Variants in CERS4 observed in about 807,000 individuals in gnomAD.
The protein encoded by CERS4 is ceramide synthase 4, also known as LAG1 homolog, ceramide synthase 4.
CERS4 carries 65 observed loss-of-function variants against 51.8 expected under a neutral mutation model. The ratio of observed to expected loss-of-function variants is 1.26; its 90% CI spans 1.03 to 1.54. CERS4 has a LOEUF of 1.54. Ranked by LOEUF, CERS4 falls within the 40% of genes most tolerant of loss-of-function variation. The pLI, the probability that CERS4 is intolerant of heterozygous loss-of-function variation, is 0.00. For synonymous variants in CERS4, 228 were observed against 208.4 expected, an observed-to-expected ratio of 1.09 and a Z score of -0.81; for missense variants, 563 against 500.4, an observed-to-expected ratio of 1.13 and a Z score of -1.19.
chr19:8,231,851 A>ATCTTTTTTTTTTTTTTTTT (rs1968019354), intron 2 of CERS4, among the ~76,000 whole-genome samples: 1 of 104,424 alleles, frequency 9.6e-6, no homozygotes. Context: ...TGTGCCCAGC[A>ATCTTTTTTTTTTTTTTTTT]TTTTTTTTTT....
chr19:8,242,436 G>A (rs1161647538), intron 2 of CERS4, among the ~76,000 whole-genome samples: 2 of 152,164 alleles, frequency 1.3e-5, no homozygotes, highest in African/African-American at 2.4e-5. Flanking sequence ...GCATGATTCA[G>A]CAGAGGAGAG....
In CERS4 at chr19:8,232,044, G is replaced by A. The variant is rs2145211012; in HGVS notation, c.-1-19032G>A. Among the ~76,000 whole-genome samples, 2 of 148,848 alleles carry A rather than the reference G, an allele frequency of 1.3e-5. 1 individual carries two copies. The highest frequency in any genetic ancestry group is 4.3e-4 in the South Asian group (2 of 4,676). Reference sequence around the variant, plus strand: ...AGGGTCTCACTATCTTGCCAAAGCTGGTCTCAAACTCCTAGCCTCAAGTAA... The same window carrying A: ...AGGGTCTCACTATCTTGCCAAAGCTAGTCTCAAACTCCTAGCCTCAAGTAA... On this transcript the variant is annotated intron_variant, in intron 2 of 11. Transcript: ENST00000251363.
rs1056604315 is a variant in CERS4, at chr19:8,261,491, G to T, written c.849-197G>T. 1.8e-5 allele frequency: 11 copies of T among 609,902 alleles called. No individual in the cohort carries two copies. The African/African-American group carries it at 1.8e-4, about 10-fold the overall frequency. 37.8% of individuals were successfully genotyped at this position (609,902 alleles called of 1,614,324 possible). On this transcript the variant is annotated intron_variant, in intron 10 of 11. Coordinates refer to ENST00000251363, the MANE Select transcript of CERS4 (RefSeq NM_024552.3). ...ATGGCCAGTCAGGGAGCTCGTGTGTGTGTTCTGCTCATTTAGTACAAGCGA... is the reference window on the plus strand; with the variant it reads ...ATGGCCAGTCAGGGAGCTCGTGTGTTTGTTCTGCTCATTTAGTACAAGCGA...
At chr19:8,246,096 CAACAA>C (rs1227016184) in intron 2 of CERS4, among the ~76,000 whole-genome samples, 1 of 137,250 alleles carries the variant, frequency 7.3e-6, no homozygotes, top group Non-Finnish European at 1.6e-5. Context: ...ACAACAACAA[CAACAA>C]AAAAACAAAA....
intron 3 of CERS4, among the ~76,000 whole-genome samples, chr19:8,252,863 G>A (rs1292331626): frequency 6.6e-6 from 1 of 152,140 alleles, no homozygotes; most frequent in Non-Finnish European, 1.5e-5. Flanking sequence ...GCAGGAGGCA[G>A]GAACAAAAAC....
chr19:8,230,885 G>A (rs1428021964), intron 2 of CERS4, among the ~76,000 whole-genome samples: 1 of 152,070 alleles, frequency 6.6e-6, no homozygotes, highest in Non-Finnish European at 1.5e-5. Context: ...TGTTGCCCAG[G>A]CTGGAATGCA....
intron 4 of CERS4, 89 bp from the exon 5 acceptor site, chr19:8,255,518 G>A (rs1485819320): frequency 1.2e-5 from 14 of 1,142,520 alleles, no homozygotes; most frequent in African/African-American, 1.5e-5. Flanking sequence ...GGCCTGCAGT[G>A]GAGAGGGCAG....
intron 2 of CERS4, among the ~76,000 whole-genome samples, chr19:8,237,910 G>A (rs1218483905): frequency 1.3e-5 from 2 of 152,164 alleles, no homozygotes; most frequent in East Asian, 3.8e-4. Context: ...CTTCTTGCCT[G>A]TTGATTATAC....
rs367567058 is a variant in CERS4, at chr19:8,255,661, C to T, written c.346C>T (p.Arg116Ter). ...QCGLTLQQTQ[R>*]WFRRRRNQDR... ...TGGCCTCACGCTGCAGCAGACCCAG[C>T]GATGGTTCCGGAGACGCCGGAACCA... is the stretch of plus-strand genomic sequence containing the variant. Residue 116 changes from arginine (R) to a stop codon, truncating the protein, a stop_gained, in exon 5 of 12, where the codon CGA becomes TGA. Transcript: ENST00000251363. LOFTEE classifies it high-confidence loss of function. The T allele has an allele frequency of 1.2e-5, 19 of 1,613,000 alleles. No homozygotes were observed. Among genetic ancestry groups the T allele is most frequent in the African/African-American group, 6.7e-5 (5 of 74,872 alleles).
At chr19:8,215,541 G>A (rs918996067) in intron 2 of CERS4, among the ~76,000 whole-genome samples, 1 of 151,222 alleles carries the variant, frequency 6.6e-6, no homozygotes, top group Non-Finnish European at 1.5e-5. Context: ...CCTCTAGCCT[G>A]CAGTCGCTCC....
At chr19:8,254,088 C>T (rs12973159) in intron 3 of CERS4, among the ~76,000 whole-genome samples, 2 of 151,732 alleles carry the variant, frequency 1.3e-5, no homozygotes, top group Non-Finnish European at 2.9e-5. Flanking sequence ...TCTGGGAGGC[C>T]GAGGTGGGCA....
intron 2 of CERS4, among the ~76,000 whole-genome samples, chr19:8,241,983 T>C (rs771146263): frequency 6.6e-5 from 10 of 152,090 alleles, no homozygotes; most frequent in Admixed American, 2.6e-4. Context: ...CTCCCTTCCC[T>C]CAGGAGAAGT....
chr19:8,254,153 T>A (rs962058579), intron 3 of CERS4, among the ~76,000 whole-genome samples: 4 of 151,274 alleles, frequency 2.6e-5, no homozygotes, highest in Non-Finnish European at 5.9e-5. Flanking sequence ...AAACCCCGTC[T>A]CTACTAAAAA....
intron 2 of CERS4, among the ~76,000 whole-genome samples, chr19:8,226,518 G>A (rs1342613436): frequency 6.6e-6 from 1 of 152,168 alleles, no homozygotes; most frequent in African/African-American, 2.4e-5. Context: ...GTTGAGTGAA[G>A]GAAGGATCCC....
intron 3 of CERS4, among the ~76,000 whole-genome samples, chr19:8,253,667 C>T (rs575000062): frequency 4.6e-5 from 7 of 152,036 alleles, no homozygotes; most frequent in African/African-American, 7.2e-5. Context: ...TCCTGGCTCA[C>T]TGCAACCTCC....
chr19:8,225,151 G>A (rs931075968), intron 2 of CERS4: 1 of 152,304 alleles, frequency 6.6e-6, no homozygotes, highest in Non-Finnish European at 1.5e-5. Flanking sequence ...CATAATTTAG[G>A]GAGAAAAACC....
At chr19:8,246,574 T>C (rs1968798304) in intron 2 of CERS4, among the ~76,000 whole-genome samples, 1 of 151,902 alleles carries the variant, frequency 6.6e-6, no homozygotes. Context: ...AGTCTGCATT[T>C]CACTTGGGTA....
At chr19:8,214,997 G>GGGA (rs1248303953) in intron 2 of CERS4, among the ~76,000 whole-genome samples, 1 of 64,724 alleles carries the variant, frequency 1.5e-5, no homozygotes, top group Non-Finnish European at 3.8e-5. Context: ...GGGGAGGAGA[G>GGGA]GGAGGAGGAG....
At chr19:8,253,188 G>A (rs933701606) in intron 3 of CERS4, among the ~76,000 whole-genome samples, 7 of 152,254 alleles carry the variant, frequency 4.6e-5, no homozygotes, top group East Asian at 1.9e-4. Flanking sequence ...TGTGGGCAAC[G>A]TGGCCATTGA....
Sources: allele counts gnomAD v4.1 joint callset (sites outside exome capture counted in the v4.1 genomes callset), GRCh38; gene constraint gnomAD v4.1.1; transcripts MANE v1.5; gene names NCBI Gene and HGNC (gene_info 2026-07-23, HGNC 2026-07-21).